The following TNKS variants were observed in gnomAD, a reference collection of about 807,000 sequenced individuals.
TNKS encodes poly [ADP-ribose] polymerase tankyrase-1.
A neutral mutation model predicts 135.8 loss-of-function variants in TNKS; 72 were observed. The observed-to-expected ratio is 0.53, with a 90% CI of 0.44 to 0.64. The LOEUF is 0.64. TNKS is among the 30% of genes least tolerant of loss of function. The probability of loss-of-function intolerance (pLI) is 0.00; values close to 1 mark genes in which losing one functional copy is unlikely to be tolerated. For missense variants in TNKS, 1,769 were observed against 1,674.0 expected (o/e 1.06, Z -0.99); for synonymous variants, 849 against 649.3 (o/e 1.31, Z -4.68).
chr8:9,755,246 G>C (rs888913678), intron 20 of TNKS, among the ~76,000 whole-genome samples: 1 of 152,144 alleles, frequency 6.6e-6, no homozygotes, highest in African/African-American at 2.4e-5. Flanking sequence ...TAGTTTAATA[G>C]TTTAGTCTCC....
chr8:9,668,354 A>C (rs1211313117), intron 3 of TNKS, among the ~76,000 whole-genome samples: 2 of 152,216 alleles, frequency 1.3e-5, no homozygotes, highest in Non-Finnish European at 2.9e-5. Context: ...CTTAGGGAGA[A>C]AATACATTGC....
intron 5 of TNKS, among the ~76,000 whole-genome samples, chr8:9,690,942 C>A (rs186974602): frequency 1.3e-5 from 2 of 152,170 alleles, no homozygotes; most frequent in Non-Finnish European, 2.9e-5. Flanking sequence ...GCAACTAGTT[C>A]AACCTCCCAA....
intron 3 of TNKS, 63 bp downstream of exon 3, chr8:9,615,740 A>T (rs1799621671): frequency 2.2e-6 from 3 of 1,344,262 alleles, no homozygotes; most frequent in African/African-American, 2.9e-5. Context: ...ATTTTATAAA[A>T]TCTTGTTATG....
At chr8:9,736,534 G>A (rs1027289316) in intron 17 of TNKS, among the ~76,000 whole-genome samples, 21 of 148,864 alleles carry the variant, frequency 1.4e-4, no homozygotes, top group African/African-American at 5.2e-4. Context: ...TATGGTTTTA[G>A]GTTTAACGTT....
Position 9,720,616 on chromosome 8 carries a change from T to A in TNKS, c.1921+71T>A, listed in dbSNP as rs1804828215. Reference sequence around the variant, plus strand: ...TCCCTGCTGAAATACACAGACAAACTTTGCAGTGTTTACTTTGCCTGAAGT... The same window carrying A: ...TCCCTGCTGAAATACACAGACAAACATTGCAGTGTTTACTTTGCCTGAAGT... On this transcript the variant is annotated intron_variant, in intron 12 of 26. Coordinates refer to ENST00000310430, the MANE Select transcript of TNKS (RefSeq NM_003747.3). 7 of 1,452,904 alleles carry A rather than the reference T, an allele frequency of 4.8e-6. No individual in the cohort carries two copies. In the South Asian group the frequency reaches 8.8e-5, roughly 18 times the overall value. The allele number at this position is 1,452,904 out of a possible 1,614,324, so 90.0% of individuals were successfully genotyped here. A position where few individuals can be genotyped will look rare whatever the true frequency, so the allele number is the denominator to read the frequency against.
intron 26 of TNKS, among the ~76,000 whole-genome samples, chr8:9,774,675 G>A (rs1329796060): frequency 6.6e-6 from 1 of 152,108 alleles, no homozygotes; most frequent in Non-Finnish European, 1.5e-5. Context: ...CAATTCAGTA[G>A]CCTAATCATT....
intron 3 of TNKS, among the ~76,000 whole-genome samples, chr8:9,632,121 A>T (rs1034693314): frequency 4.7e-4 from 71 of 152,354 alleles, no homozygotes; most frequent in Admixed American, 1.3e-3. Flanking sequence ...GCCAGACTTC[A>T]TGTATTAAAA....
At chr8:9,630,576 C>T (rs983163365) in intron 3 of TNKS, among the ~76,000 whole-genome samples, 1 of 152,110 alleles carries the variant, frequency 6.6e-6, no homozygotes, top group Non-Finnish European at 1.5e-5. Flanking sequence ...AGCAAATCCC[C>T]ATCACATTAA....
chr8:9,708,784 T>G (rs117250987), intron 9 of TNKS, among the ~76,000 whole-genome samples: 1 of 152,150 alleles, frequency 6.6e-6, no homozygotes, highest in African/African-American at 2.4e-5. Flanking sequence ...CTACAAGATA[T>G]GATTTTTCAA....
intron 3 of TNKS, chr8:9,679,675 T>C (rs942434707): frequency 6.6e-5 from 25 of 378,372 alleles, no homozygotes; most frequent in Admixed American, 1.5e-4. Context: ...TCAGAGGGAA[T>C]GTGTTTCTGG....
At chr8:9,674,416 T>G (rs1252028238) in intron 3 of TNKS, among the ~76,000 whole-genome samples, 2 of 152,134 alleles carry the variant, frequency 1.3e-5, no homozygotes, top group African/African-American at 4.8e-5. Context: ...AAAAAAAAGC[T>G]TATGTTTTGG....
intron 3 of TNKS, among the ~76,000 whole-genome samples, chr8:9,677,811 T>A (rs1234898095): frequency 2.6e-5 from 4 of 152,148 alleles, no homozygotes; most frequent in Non-Finnish European, 5.9e-5. Flanking sequence ...CCATACCCAT[T>A]CCCCTGTGAG....
chr8:9,775,437 G>T (rs1341900524), intron 26 of TNKS, among the ~76,000 whole-genome samples: 1 of 123,760 alleles, frequency 8.1e-6, no homozygotes, highest in African/African-American at 2.9e-5. Context: ...TGGAATTACG[G>T]AAAAGAATAT....
chr8:9,597,654 C>G (rs1395297436), intron 2 of TNKS, among the ~76,000 whole-genome samples: 1 of 152,036 alleles, frequency 6.6e-6, no homozygotes, highest in African/African-American at 2.4e-5. Context: ...TTGCTGTAAC[C>G]AAATATTAAG....
intron 11 of TNKS, 42 bp downstream of exon 11, chr8:9,710,262 G>C: frequency 6.3e-7 from 1 of 1,579,324 alleles, no homozygotes; most frequent in African/African-American, 1.3e-5. Flanking sequence ...TCAGCACTGA[G>C]CAGCCAGCTG....
chr8:9,672,679 C>CAA (rs1802339259), intron 3 of TNKS, among the ~76,000 whole-genome samples: 1 of 88,396 alleles, frequency 1.1e-5, no homozygotes, highest in East Asian at 4.0e-4. Flanking sequence ...AAAAAAAACA[C>CAA]ATACACACAC....
chr8:9,582,128 A>G (rs1052378721), intron 2 of TNKS, among the ~76,000 whole-genome samples: 7 of 151,864 alleles, frequency 4.6e-5, no homozygotes, highest in African/African-American at 1.7e-4. Flanking sequence ...TTGGTTGTAA[A>G]CCCCGGTATA....
intron 14 of TNKS, among the ~76,000 whole-genome samples, chr8:9,732,188 A>T (rs1180823885): frequency 6.6e-6 from 1 of 152,216 alleles, no homozygotes; most frequent in Non-Finnish European, 1.5e-5. Flanking sequence ...TCCATCCCAA[A>T]GACATCAGTA....
intron 2 of TNKS, among the ~76,000 whole-genome samples, chr8:9,582,070 A>G (rs1329537002): frequency 6.6e-6 from 1 of 152,204 alleles, no homozygotes; most frequent in Non-Finnish European, 1.5e-5. Flanking sequence ...ATAAATGAGG[A>G]TATAGTTGCT....
Sources: allele counts gnomAD v4.1 joint callset (sites outside exome capture counted in the v4.1 genomes callset), GRCh38; gene constraint gnomAD v4.1.1; transcripts MANE v1.5; gene names NCBI Gene and HGNC (gene_info 2026-07-23, HGNC 2026-07-21).